INTS7: variants seen among roughly 807,000 people sequenced by gnomAD.
The protein encoded by INTS7 is integrator complex subunit 7.
In INTS7, 46 loss-of-function variants were observed where a neutral mutation model predicts 109.2. The ratio of observed to expected loss-of-function variants is 0.42; its 90% CI spans 0.33 to 0.54. INTS7 has a LOEUF of 0.54. Among genes scored for constraint, INTS7 ranks in the 20% least tolerant of loss-of-function variants. INTS7 has a pLI of 0.07. For synonymous variants in INTS7, 412 were observed against 402.9 expected (o/e 1.02, Z -0.27); for missense variants, 929 against 1,132.4 (o/e 0.82, Z 2.58).
chr1:211,968,660 T>C lies in INTS7; in HGVS notation c.1863A>G (p.Val621=). The change falls in exon 14 of 20, where the codon GTA becomes GTG. Residue 621 remains valine, a synonymous_variant. Transcript: ENST00000366994. ...CTTGTAAAAGGTCAATCCTGAGTTT[T>C]ACAAATTCACACTGAAAGCTTAAAG... ...LNPLSFQCEF[V]KLRIDLLQAF... 1.2e-6 allele frequency: 2 copies of C among 1,613,544 alleles called. No individual in the cohort carries two copies. The highest frequency in any genetic ancestry group is 1.7e-6 in the Non-Finnish European group (2 of 1,179,890).
intron 7 of INTS7, among the ~76,000 whole-genome samples, chr1:211,989,679 G>C (rs556427363): frequency 2.6e-5 from 4 of 151,896 alleles, no homozygotes; most frequent in African/African-American, 7.3e-5. Flanking sequence ...AAAATCAGCC[G>C]GGTGTGGTGG....
intron 16 of INTS7, among the ~76,000 whole-genome samples, chr1:211,955,366 C>T (rs993750462): frequency 3.3e-5 from 5 of 152,122 alleles, no homozygotes; most frequent in African/African-American, 1.2e-4. Flanking sequence ...TCCTCTTTTC[C>T]TCATTGAATA....
intron 7 of INTS7, among the ~76,000 whole-genome samples, chr1:212,001,209 A>G (rs543761378): frequency 1.3e-5 from 2 of 152,096 alleles, no homozygotes; most frequent in East Asian, 1.9e-4. Flanking sequence ...CTGGGATTAC[A>G]GGCATGCGCC....
At chr1:212,012,211 G>A (rs1476264093) in intron 4 of INTS7, among the ~76,000 whole-genome samples, 14 of 152,002 alleles carry the variant, frequency 9.2e-5, no homozygotes, top group Non-Finnish European at 5.9e-5. Context: ...CTCCTGCTTT[G>A]CCACCCAGGG....
intron 1 of INTS7, chr1:212,025,686 C>T (rs1389332434): frequency 7.1e-6 from 1 of 140,772 alleles, no homozygotes; most frequent in Non-Finnish European, 1.6e-5. Flanking sequence ...CACAGCTGTA[C>T]CAGGAAAAAA....
intron 16 of INTS7, among the ~76,000 whole-genome samples, chr1:211,955,357 C>T (rs1015511548): frequency 1.3e-5 from 2 of 152,184 alleles, no homozygotes; most frequent in Admixed American, 6.5e-5. Flanking sequence ...AATCTGACTT[C>T]CTCTTTTCCT....
intron 7 of INTS7, among the ~76,000 whole-genome samples, chr1:211,999,592 T>G (rs1466203513): frequency 6.6e-6 from 1 of 152,134 alleles, no homozygotes; most frequent in Non-Finnish European, 1.5e-5. Context: ...GTAAATAAAT[T>G]ATACCATAAT....
intron 10 of INTS7, among the ~76,000 whole-genome samples, chr1:211,979,995 C>G (rs1476631083): frequency 6.6e-6 from 1 of 152,134 alleles, no homozygotes; most frequent in Non-Finnish European, 1.5e-5. Context: ...GGAAGCTCCT[C>G]TATTACAGGA....
chr1:212,015,122 G>A lies in INTS7; in HGVS notation c.509+1764C>T, dbSNP rs919009582. 4.0e-5 allele frequency among the ~76,000 whole-genome samples: 6 copies of A among 151,670 alleles called. No homozygotes were observed. In the East Asian group the frequency reaches 5.8e-4, roughly 15 times the overall value. Reference sequence around the variant, plus strand: ...CCCCGCCCGGGCAGCCGCCCCGTCCGGGAGGGAGGTGGGGGGCAGCCCCTG... The same window carrying A: ...CCCCGCCCGGGCAGCCGCCCCGTCCAGGAGGGAGGTGGGGGGCAGCCCCTG... On this transcript the variant is annotated intron_variant, in intron 4 of 19. Transcript: ENST00000366994.
chr1:211,959,793 G>C lies in INTS7; in HGVS notation c.2183+6637C>G, dbSNP rs570921226. 3.4e-4 allele frequency among the ~76,000 whole-genome samples: 51 copies of C among 152,228 alleles called. No individual in the cohort carries two copies. Among genetic ancestry groups the C allele is most frequent in the African/African-American group, 9.1e-4 (38 of 41,536 alleles). On this transcript the variant is annotated intron_variant, in intron 16 of 19. Coordinates refer to ENST00000366994, the MANE Select transcript of INTS7 (RefSeq NM_015434.4). This position sits in a 1 kb window ranked among gnomAD's most constrained non-coding sequence, Gnocchi z 4.2. The stretch of plus-strand genomic sequence containing the variant: ...CACACACAGTTCTGTGTCTGCCAGC[G>C]CCACGCCCCTATGCTTATACTACCA...
intron 13 of INTS7, among the ~76,000 whole-genome samples, chr1:211,969,304 A>T (rs1397327577): frequency 6.6e-6 from 1 of 151,720 alleles, no homozygotes; most frequent in Non-Finnish European, 1.5e-5. Context: ...CAAAGAAAAA[A>T]GAAGATAATC....
In INTS7 at chr1:211,952,569, C is replaced by T; in HGVS notation, c.2316G>A (p.Met772Ile). The T allele has an allele frequency of 6.2e-7, 1 of 1,611,298 alleles. No homozygotes were observed. Among genetic ancestry groups the T allele is most frequent in the South Asian group, 1.1e-5 (1 of 90,306 alleles). The change falls in exon 17 of 20, where the codon ATG becomes ATA. Residue 772 changes from methionine to isoleucine, a missense_variant and splice_region_variant. Around this residue, in one of 2 missense-constraint regions of INTS7, gnomAD observed 787 missense variants for 901.1 expected, o/e 0.87. Coordinates refer to ENST00000366994, the MANE Select transcript of INTS7 (RefSeq NM_015434.4). ...LNRKYTPVSY[M>I]HTACLCNAII... ...GCTCAATAAAACAAATGCCACTTGC[C>T]ATATAAGAAACAGGGGTATATTTCC...
At chr1:211,964,379 A>C (rs544149168) in intron 16 of INTS7, among the ~76,000 whole-genome samples, 21 of 152,356 alleles carry the variant, frequency 1.4e-4, no homozygotes, top group African/African-American at 5.0e-4. Context: ...CAATATTGTT[A>C]AAATGGCCAT....
chr1:212,027,375 A>T (rs893312415), intron 1 of INTS7, among the ~76,000 whole-genome samples: 1 of 152,192 alleles, frequency 6.6e-6, no homozygotes, highest in African/African-American at 2.4e-5. Context: ...TGGTCATAAG[A>T]CCACTAATCA....
chr1:212,019,662 A>G (rs932457641), intron 3 of INTS7, among the ~76,000 whole-genome samples: 3 of 152,204 alleles, frequency 2.0e-5, no homozygotes, highest in African/African-American at 7.2e-5. Context: ...ATATGCCAAG[A>G]AAGAAAAGAA....
chr1:212,020,540 T>C (rs1159047428), intron 2 of INTS7, among the ~76,000 whole-genome samples: 2 of 152,120 alleles, frequency 1.3e-5, no homozygotes, highest in African/African-American at 4.8e-5. Context: ...AACTATATTA[T>C]AACCAAGGCC....
chr1:211,968,151 A>C (rs2970574), intron 14 of INTS7, among the ~76,000 whole-genome samples, 170 bp from the exon 15 acceptor site: 6,805 of 152,356 alleles, frequency 0.045, 210 homozygotes, highest in African/African-American at 0.079. Context: ...AATAAAAACA[A>C]AAATGGCAAA....
chr1:211,981,027 C>T, intron 10 of INTS7, 66 bp downstream of exon 10: 3 of 903,246 alleles, frequency 3.3e-6, no homozygotes, highest in Non-Finnish European at 5.2e-6. Context: ...GTCTGCTTAA[C>T]TTTGCTTTCT....
intron 16 of INTS7, among the ~76,000 whole-genome samples, chr1:211,961,585 A>G (rs1663636341): frequency 6.6e-6 from 1 of 151,958 alleles, no homozygotes; most frequent in Non-Finnish European, 1.5e-5. Context: ...ACGTGCCACC[A>G]TGCCCGGCTA....
Sources: allele counts gnomAD v4.1 joint callset (sites outside exome capture counted in the v4.1 genomes callset), GRCh38; gene constraint gnomAD v4.1.1; regional missense constraint gnomAD v4.1.1; non-coding constraint Gnocchi (gnomAD v3.1); transcripts MANE v1.5; gene names NCBI Gene and HGNC (gene_info 2026-07-23, HGNC 2026-07-21).